The following CCDC68 variants were observed in gnomAD, a reference collection of about 807,000 sequenced individuals.
CCDC68 encodes coiled-coil domain-containing protein 68.
A neutral mutation model predicts 47.1 loss-of-function variants in CCDC68; 45 were observed. The ratio of observed to expected loss-of-function variants is 0.96; its 90% CI spans 0.75 to 1.23. The LOEUF is 1.23. Among genes scored for constraint, CCDC68 ranks in the 50% most tolerant of loss-of-function variants. The pLI is 0.00. For synonymous variants in CCDC68, 131 were observed against 129.5 expected (o/e 1.01, Z -0.08); for missense variants, 353 against 373.6 (o/e 0.94, Z 0.45).
At chr18:54,907,067 C>T (rs1242062115) in intron 11 of CCDC68, among the ~76,000 whole-genome samples, 1 of 152,142 alleles carries the variant, frequency 6.6e-6, no homozygotes, top group African/African-American at 2.4e-5. Context: ...TCAAAAGCTG[C>T]TAGAAGACGA....
At chr18:54,914,831 A>C (rs755560708) in intron 10 of CCDC68, among the ~76,000 whole-genome samples, 3 of 152,194 alleles carry the variant, frequency 2.0e-5, no homozygotes, top group Non-Finnish European at 2.9e-5. Flanking sequence ...TGGAATATAC[A>C]AACGGAGTAC....
At chr18:54,948,157 C>T (rs968015793) in intron 1 of CCDC68, among the ~76,000 whole-genome samples, 9 of 152,050 alleles carry the variant, frequency 5.9e-5, no homozygotes, top group African/African-American at 2.2e-4. Context: ...CAGAATGGGA[C>T]CTTATTTAAA....
rs141752122 is a variant in CCDC68 at position 54,923,974 on chromosome 18, C to T, written c.684-4598G>A. Among the ~76,000 whole-genome samples the T allele has an allele frequency of 7.2e-3, 1,100 of 152,200 alleles. 19 individuals carry two copies. Among genetic ancestry groups the T allele is most frequent in the African/African-American group, 0.025 (1,048 of 41,512 alleles). ...TCAGCCTCCCAAAGTGCTGGGATTA[C>T]AGGCATCAACCACTGCACCTAGCCC... On this transcript the variant is annotated intron_variant, in intron 8 of 11. Coordinates refer to ENST00000591504, the MANE Select transcript of CCDC68 (RefSeq NM_025214.3).
At chr18:54,918,277 G>A (rs539202031) in intron 9 of CCDC68, among the ~76,000 whole-genome samples, 2 of 152,318 alleles carry the variant, frequency 1.3e-5, no homozygotes, top group African/African-American at 4.8e-5. Context: ...AGCAGCACTG[G>A]CCGCCCTTCT....
At chr18:54,953,070 G>T (rs1433579674) in intron 1 of CCDC68, among the ~76,000 whole-genome samples, 1 of 151,928 alleles carries the variant, frequency 6.6e-6, no homozygotes, top group African/African-American at 2.4e-5. Context: ...AGTGTCAAAT[G>T]CATCATGCTA....
At chr18:54,939,644 C>A (rs920639481) in intron 4 of CCDC68, among the ~76,000 whole-genome samples, 15 of 152,102 alleles carry the variant, frequency 9.9e-5, no homozygotes, top group African/African-American at 3.4e-4. Flanking sequence ...AGTGTCGTCA[C>A]CATTCCTAAG....
At chr18:54,942,835 C>G in intron 2 of CCDC68, 32 bp from the exon 3 acceptor site, 4 of 1,189,440 alleles carry the variant, frequency 3.4e-6, no homozygotes, top group Non-Finnish European at 5.0e-6. Context: ...CTAAGCAAAA[C>G]AGACTGTTTT....
At position 54,903,070 on chromosome 18, in the gene CCDC68, CACA is replaced by C. The variant is rs1233996078; in HGVS notation, c.*1285_*1287del. 6.6e-6 allele frequency: 1 copy of C among 152,148 alleles called. No individual in the cohort carries two copies. Among genetic ancestry groups the C allele is most frequent in the Non-Finnish European group, 1.5e-5 (1 of 68,022 alleles). 9.4% of individuals were successfully genotyped at this position (152,148 alleles called of 1,614,324 possible). ...GAAGCGTAAAACTCACACACAGTTA[CACA>C]ACAATTCAAGGATTACAGTACTTGG... On this transcript the variant is annotated 3_prime_UTR_variant, in exon 12 of 12. Coordinates refer to ENST00000591504, the MANE Select transcript of CCDC68 (RefSeq NM_025214.3).
chr18:54,911,650 G>T (rs117083904), intron 10 of CCDC68, among the ~76,000 whole-genome samples: 1 of 152,056 alleles, frequency 6.6e-6, no homozygotes, highest in Non-Finnish European at 1.5e-5. Flanking sequence ...GGCCAAGCAC[G>T]TGCCTAGAAA....
At chr18:54,943,768 T>C (rs969290102) in intron 2 of CCDC68, among the ~76,000 whole-genome samples, 10 of 152,214 alleles carry the variant, frequency 6.6e-5, no homozygotes, top group Admixed American at 3.9e-4. Flanking sequence ...GTTCACATTA[T>C]AGAATAAAGC....
At chr18:54,923,459 GA>G (rs2044095881) in intron 8 of CCDC68, among the ~76,000 whole-genome samples, 1 of 149,878 alleles carries the variant, frequency 6.7e-6, no homozygotes, top group South Asian at 2.1e-4. Flanking sequence ...AAAAAAAATT[GA>G]AATTGGCCTC....
At chr18:54,906,229 C>T (rs1258839200) in intron 11 of CCDC68, among the ~76,000 whole-genome samples, 5 of 152,184 alleles carry the variant, frequency 3.3e-5, no homozygotes, top group South Asian at 2.1e-4. Context: ...ATAATTAATA[C>T]GAGAATTTCT....
chr18:54,923,575 G>A (rs2044097657), intron 8 of CCDC68, among the ~76,000 whole-genome samples: 1 of 152,178 alleles, frequency 6.6e-6, no homozygotes, highest in African/African-American at 2.4e-5. Flanking sequence ...GGCCATTGCA[G>A]AAAATCTCTA....
chr18:54,909,632 G>A (rs912444700), intron 10 of CCDC68, among the ~76,000 whole-genome samples: 3 of 152,236 alleles, frequency 2.0e-5, no homozygotes, highest in African/African-American at 7.2e-5. Flanking sequence ...GGGTGTGTGA[G>A]CAAGTGGTGT....
intron 1 of CCDC68, among the ~76,000 whole-genome samples, chr18:54,950,685 T>C (rs2044598405): frequency 6.6e-6 from 1 of 151,706 alleles, no homozygotes; most frequent in Non-Finnish European, 1.5e-5. Context: ...ACACAATATA[T>C]AAATATGTAC....
intron 7 of CCDC68, among the ~76,000 whole-genome samples, chr18:54,933,452 C>T (rs532225263): frequency 1.2e-4 from 18 of 152,244 alleles, no homozygotes; most frequent in Non-Finnish European, 2.9e-5. Context: ...TTTGAGATGG[C>T]GTGAGCTCTA....
chr18:54,915,115 C>G (rs191827359), intron 10 of CCDC68, among the ~76,000 whole-genome samples: 2 of 152,294 alleles, frequency 1.3e-5, no homozygotes, highest in African/African-American at 4.8e-5. Context: ...GATGCCAACT[C>G]TAAAACAACC....
At chr18:54,930,615 C>CTTCT (rs1555675758) in intron 7 of CCDC68, among the ~76,000 whole-genome samples, 5 of 53,796 alleles carry the variant, frequency 9.3e-5, no homozygotes, top group African/African-American at 3.9e-4. Context: ...TCCTTCCTTC[C>CTTCT]CTTCCCTTCC....
chr18:54,937,176 T>A, intron 5 of CCDC68: 1 of 516,462 alleles, frequency 1.9e-6, no homozygotes, highest in Non-Finnish European at 3.5e-6. Flanking sequence ...AGATTTGCCA[T>A]AGTCAAACCA....
Sources: allele counts gnomAD v4.1 joint callset (sites outside exome capture counted in the v4.1 genomes callset), GRCh38; gene constraint gnomAD v4.1.1; transcripts MANE v1.5; gene names NCBI Gene and HGNC (gene_info 2026-07-23, HGNC 2026-07-21).